FANCL: variants seen among roughly 807,000 people sequenced by gnomAD.
The protein encoded by FANCL is FA complementation group L.
Under a neutral mutation model 59.4 loss-of-function variants are expected in FANCL, and 69 were observed. That is an observed-to-expected ratio of 1.16 (90% confidence interval 0.96 to 1.42). The LOEUF is 1.42. FANCL is among the 40% of genes most tolerant of loss of function. The probability of loss-of-function intolerance (pLI) is 0.00; values close to 1 mark genes in which losing one functional copy is unlikely to be tolerated. For missense variants in FANCL, 519 were observed against 447.2 expected (o/e 1.16, Z -1.45); for synonymous variants, 180 against 147.1 (o/e 1.22, Z -1.62).
intron 1 of FANCL, among the ~76,000 whole-genome samples, chr2:58,240,282 T>C (rs1022524985): frequency 6.6e-6 from 1 of 152,200 alleles, no homozygotes; most frequent in African/African-American, 2.4e-5. Flanking sequence ...CTACTTTCTG[T>C]GATGGTCATA....
chr2:58,165,729 G>T lies in FANCL; in HGVS notation c.686C>A (p.Ala229Glu). The change falls in exon 8 of 14, where the codon GCA (alanine) becomes GAA (glutamate). Residue 229 changes from alanine to glutamate, a missense_variant. By Grantham distance (107) the Ala-to-Glu change is moderately radical. Coordinates refer to ENST00000233741, the MANE Select transcript of FANCL (RefSeq NM_018062.4). ...PPRSATARRI[A>E]LGNNVSINIE... Reference sequence around the variant, plus strand: ...TTAATCCTCCTTGTCCCTACCTAATGCAATTCTGCGTGCTGTTGCACTCCG... The same window carrying T: ...TTAATCCTCCTTGTCCCTACCTAATTCAATTCTGCGTGCTGTTGCACTCCG... The T allele has an allele frequency of 6.2e-7, 1 of 1,613,976 alleles. No homozygotes were observed. The highest frequency in any genetic ancestry group is 1.1e-5 in the South Asian group (1 of 91,082).
At chr2:58,163,365 A>C in intron 9 of FANCL, 69 bp downstream of exon 9, 1 of 1,057,142 alleles carries the variant, frequency 9.5e-7, no homozygotes, top group Non-Finnish European at 1.5e-6. Flanking sequence ...ATATTGTCTA[A>C]TAATTTAACA....
intron 5 of FANCL, among the ~76,000 whole-genome samples, chr2:58,207,793 T>A (rs1295543476): frequency 2.0e-5 from 3 of 152,174 alleles, no homozygotes; most frequent in Non-Finnish European, 4.4e-5. Context: ...GCATAATGAC[T>A]CATGCCTATA....
chr2:58,227,605 C>T (rs759596979), intron 3 of FANCL, among the ~76,000 whole-genome samples: 5 of 152,174 alleles, frequency 3.3e-5, no homozygotes, highest in Admixed American at 2.6e-4. Flanking sequence ...GATGTCCTCT[C>T]GATGTCCAGC....
intron 7 of FANCL, among the ~76,000 whole-genome samples, chr2:58,184,664 A>C (rs1688236094): frequency 6.6e-6 from 1 of 152,242 alleles, no homozygotes; most frequent in Middle Eastern, 3.4e-3. Flanking sequence ...TTAAACATAC[A>C]TACATAAGGC....
At chr2:58,190,734 G>T (rs1172931067) in intron 7 of FANCL, among the ~76,000 whole-genome samples, 2 of 151,880 alleles carry the variant, frequency 1.3e-5, no homozygotes, top group East Asian at 3.9e-4. Flanking sequence ...CTCACAGCCA[G>T]AGCCAAGGAA....
intron 7 of FANCL, among the ~76,000 whole-genome samples, chr2:58,170,077 A>G (rs947587355): frequency 2.6e-5 from 4 of 152,296 alleles, no homozygotes; most frequent in Admixed American, 6.5e-5. Flanking sequence ...CACAAGACAC[A>G]TAATGGTCAG....
chr2:58,218,819 A>T (rs1692112796), intron 5 of FANCL, among the ~76,000 whole-genome samples: 2 of 152,108 alleles, frequency 1.3e-5, no homozygotes, highest in East Asian at 3.9e-4. Flanking sequence ...GGGCTACAAA[A>T]CTACATATGG....
Position 58,213,714 on chromosome 2 carries a change from A to G in FANCL, c.374+8228T>C, listed in dbSNP as rs537148985. The G allele has an allele frequency of 2.9e-5, 4 of 137,030 alleles. No homozygotes were observed. In the East Asian group the frequency reaches 8.1e-4, roughly 28 times the overall value. 8.5% of individuals were successfully genotyped at this position (137,030 alleles called of 1,614,324 possible). ...TACAGCAAAACCTTGTCTCTTAAAA[A>G]AGAAAAAAAAAAAAAAAGAGAGGGA... On this transcript the variant is annotated intron_variant, in intron 5 of 13. Coordinates refer to ENST00000233741, the MANE Select transcript of FANCL (RefSeq NM_018062.4).
At chr2:58,166,053 G>A (rs1435142954) in intron 7 of FANCL, among the ~76,000 whole-genome samples, 179 bp from the exon 8 acceptor site, 1 of 152,062 alleles carries the variant, frequency 6.6e-6, no homozygotes, top group Non-Finnish European at 1.5e-5. Flanking sequence ...GCGTTTACAG[G>A]ATTCTTTTTT....
chr2:58,167,379 T>G lies in FANCL; in HGVS notation c.541-1505A>C, dbSNP rs539437945. On this transcript the variant is annotated intron_variant, in intron 7 of 13. Transcript: ENST00000233741. ...AAATTAAACTCCCAAGAAGCTAGTT[T>G]TAAAATCAGTACAATAGTATATCTC... is the stretch of plus-strand genomic sequence containing the variant. Among the ~76,000 whole-genome samples the G allele has an allele frequency of 3.3e-5, 5 of 152,342 alleles. No individual in the cohort carries two copies. The South Asian group carries it at 1.0e-3, about 32-fold the overall frequency.
chr2:58,172,542 T>C (rs575699463), intron 7 of FANCL, among the ~76,000 whole-genome samples: 1 of 152,296 alleles, frequency 6.6e-6, no homozygotes, highest in South Asian at 2.1e-4. Flanking sequence ...GCTGAGGGTC[T>C]CTGTTAACAG....
intron 4 of FANCL, among the ~76,000 whole-genome samples, chr2:58,224,094 G>C (rs1385583685): frequency 6.6e-6 from 1 of 151,656 alleles, no homozygotes; most frequent in Non-Finnish European, 1.5e-5. Flanking sequence ...TTGTAAATCA[G>C]AGATCTCAAA....
chr2:58,208,926 C>G (rs1690856777), intron 5 of FANCL, among the ~76,000 whole-genome samples: 2 of 152,122 alleles, frequency 1.3e-5, no homozygotes, highest in Admixed American at 1.3e-4. Context: ...CTGTTTAGCC[C>G]TAATATGTTA....
chr2:58,225,184 A>C (rs1348247867), intron 4 of FANCL, among the ~76,000 whole-genome samples: 1 of 151,648 alleles, frequency 6.6e-6, no homozygotes, highest in Non-Finnish European at 1.5e-5. Context: ...ACAATAAAAA[A>C]ATTAATTAAA....
At chr2:58,159,946 A>C in intron 13 of FANCL, 146 bp from the exon 14 acceptor site, 1 of 1,524,992 alleles carries the variant, frequency 6.6e-7, no homozygotes, top group Non-Finnish European at 8.8e-7. Flanking sequence ...GAAATCTAGA[A>C]AAGGAGTTTA....
chr2:58,205,692 G>T (rs1573705944), intron 5 of FANCL, among the ~76,000 whole-genome samples: 1 of 152,090 alleles, frequency 6.6e-6, no homozygotes, highest in Non-Finnish European at 1.5e-5. Context: ...GGAAAATGTA[G>T]AGTAGTTAAA....
At position 58,159,618 on chromosome 2, in the gene FANCL, C is replaced by T. The variant is rs1430934039; in HGVS notation, c.*147G>A. ...AGTTTACTCTTAGTGAAGAGACAAA[C>T]GCAGATGTTTATTATTATCGCATCA... On this transcript the variant is annotated 3_prime_UTR_variant, in exon 14 of 14. Coordinates refer to ENST00000233741, the MANE Select transcript of FANCL (RefSeq NM_018062.4). 4 of 1,613,658 alleles carry T rather than the reference C, an allele frequency of 2.5e-6. No homozygotes were observed. Among genetic ancestry groups the T allele is most frequent in the South Asian group, 1.1e-5 (1 of 91,080 alleles).
chr2:58,218,492 A>G (rs1222047272), intron 5 of FANCL, among the ~76,000 whole-genome samples: 1 of 152,028 alleles, frequency 6.6e-6, no homozygotes, highest in Admixed American at 6.5e-5. Context: ...TTTAAAATGA[A>G]CGTAGGATGA....
Sources: allele counts gnomAD v4.1 joint callset (sites outside exome capture counted in the v4.1 genomes callset), GRCh38; gene constraint gnomAD v4.1.1; transcripts MANE v1.5; gene names NCBI Gene and HGNC (gene_info 2026-07-23, HGNC 2026-07-21).